The following IGSF22 variants were observed in gnomAD, a reference collection of about 807,000 sequenced individuals.
IGSF22 encodes the protein immunoglobulin superfamily member 22, also known as immunoglobulin superfamily, member 22.
In IGSF22, 119 loss-of-function variants were observed where a neutral mutation model predicts 127.0. The observed-to-expected ratio is 0.94, with a 90% CI of 0.81 to 1.09. The LOEUF (loss-of-function observed/expected upper bound fraction) is 1.09, where lower values mean the gene tolerates loss of function less well. Among genes scored for constraint, IGSF22 ranks in the 50% least tolerant of loss-of-function variants. The pLI is 0.00. For missense variants in IGSF22, 1,518 were observed against 1,716.6 expected, an observed-to-expected ratio of 0.88 and a Z score of 2.04; for synonymous variants, 568 against 664.7, an observed-to-expected ratio of 0.85 and a Z score of 2.24.
chr11:18,707,923 C>T lies in IGSF22; in HGVS notation c.3161G>A (p.Ser1054Asn), dbSNP rs1360985291. 6.2e-7 allele frequency: 1 copy of T among 1,614,016 alleles called. No homozygotes were observed. Among genetic ancestry groups the T allele is most frequent in the Admixed American group, 1.7e-5 (1 of 60,020 alleles). ...PTKGRETITK[S>N]KNHSQFLINS... ...AATGAGGAACTGGGAGTGGTTTTTG[C>T]TCTTGGTAATTGTCTCTCGGCCCTT... The change falls in exon 20 of 23, where the codon AGC becomes AAC. Residue 1054 changes from serine to asparagine, a missense_variant. Coordinates refer to ENST00000513874, the MANE Select transcript of IGSF22 (RefSeq NM_173588.4).
rs1170931120 is a variant in IGSF22 at position 18,707,908 on chromosome 11, T to C, written c.3176A>G (p.Gln1059Arg). Reference sequence around the variant, plus strand: ...GCGCTTGGTGCTATTAATGAGGAACTGGGAGTGGTTTTTGCTCTTGGTAAT... The same window carrying C: ...GCGCTTGGTGCTATTAATGAGGAACCGGGAGTGGTTTTTGCTCTTGGTAAT... The part of the protein sequence containing the change: ...ETITKSKNHS[Q>R]FLINSTKRSD... The change falls in exon 20 of 23, where the codon CAG becomes CGG. Residue 1059 changes from glutamine (Q) to arginine (R), a missense_variant. Gln to Arg is a conservative substitution (Grantham distance 43). Around this residue, in one of 3 missense-constraint regions of IGSF22, gnomAD observed 1,456 missense variants for 1,644.9 expected, o/e 0.89. Transcript: ENST00000513874. 1 of 1,614,204 alleles carries C rather than the reference T, an allele frequency of 6.2e-7. No homozygotes were observed. Among genetic ancestry groups the C allele is most frequent in the Admixed American group, 1.7e-5 (1 of 60,018 alleles).
At chr11:18,711,717 C>A (rs77561721) in intron 15 of IGSF22, among the ~76,000 whole-genome samples, 8,559 of 152,226 alleles carry the variant, frequency 0.056, 291 homozygotes, top group South Asian at 0.1. Context: ...AATTAAAATG[C>A]CAATGTTGTC....
rs1363031349 is a variant in IGSF22, at chr11:18,716,240, C to CT, written c.1246+487dup. 6.6e-6 allele frequency among the ~76,000 whole-genome samples: 1 copy of CT among 152,126 alleles called. No individual in the cohort carries two copies. The highest frequency in any genetic ancestry group is 1.5e-5 in the Non-Finnish European group (1 of 68,026). On this transcript the variant is annotated intron_variant, in intron 10 of 22. Transcript: ENST00000513874. This position sits in a 1 kb window ranked among gnomAD's most constrained non-coding sequence, Gnocchi z 4.5. Reference sequence around the variant, plus strand: ...CATTTCTGATGTTGCCAGGTGATGCCTTTTCTTTGGTCTTCTACAGCCCTT... The same window carrying CT: ...CATTTCTGATGTTGCCAGGTGATGCCTTTTTCTTTGGTCTTCTACAGCCCTT...
In IGSF22 at chr11:18,710,814, C is replaced by G. The variant is rs1590440193; in HGVS notation, c.2413G>C (p.Ala805Pro). The change falls in exon 16 of 23, where the codon GCC (alanine) becomes CCC (proline). Residue 805 changes from alanine (A) to proline (P), a missense_variant. Physicochemically the swap from Ala to Pro is conservative, Grantham distance 27. Coordinates refer to ENST00000513874, the MANE Select transcript of IGSF22 (RefSeq NM_173588.4). The part of the protein sequence containing the change: ...AGNPIEPPGF[A>P]SQPQVTDVTK... ...ACATCAGTCACTTGAGGCTGGGAGG[C>G]AAAACCAGGAGGCTCTGTGGGGGAA... The G allele has an allele frequency of 1.9e-6, 3 of 1,612,820 alleles. No homozygotes were observed. In the South Asian group the frequency reaches 3.3e-5, roughly 18 times the overall value.
At chr11:18,713,825 C>A in intron 14 of IGSF22, 27 bp downstream of exon 14, 1 of 1,568,270 alleles carries the variant, frequency 6.4e-7, no homozygotes, top group Non-Finnish European at 8.7e-7. Flanking sequence ...CTCAGCTCAG[C>A]CCAGCCCGGA....
At chr11:18,721,269 G>A (rs1848566130) in intron 4 of IGSF22, among the ~76,000 whole-genome samples, 1 of 152,160 alleles carries the variant, frequency 6.6e-6, no homozygotes, top group Admixed American at 6.5e-5. Flanking sequence ...CTTCCATTGC[G>A]TCCCGCCCCG....
chr11:18,708,063 T>C lies in IGSF22; in HGVS notation c.3088-67A>G, dbSNP rs1848280053. On this transcript the variant is annotated intron_variant, in intron 19 of 22. Coordinates refer to ENST00000513874, the MANE Select transcript of IGSF22 (RefSeq NM_173588.4). The stretch of plus-strand genomic sequence containing the variant: ...ATATTTGGGGGCAGGCCTTCCTCCA[T>C]TGTCGAGGAGTTTCCTGCCAGGCTG... 23 of 1,585,682 alleles carry C rather than the reference T, an allele frequency of 1.5e-5. No individual in the cohort carries two copies. In the South Asian group the frequency reaches 1.9e-4, roughly 13 times the overall value.
chr11:18,705,943 T>C lies in IGSF22; in HGVS notation c.3784A>G (p.Asn1262Asp). The C allele has an allele frequency of 1.3e-6, 2 of 1,551,748 alleles. No homozygotes were observed. Among genetic ancestry groups the C allele is most frequent in the Non-Finnish European group, 1.7e-6 (2 of 1,146,998 alleles). The change falls in exon 22 of 23, where the codon AAC (asparagine) becomes GAC (aspartate). Residue 1262 changes from asparagine (N) to aspartate (D), a missense_variant. Asn to Asp is a conservative substitution (Grantham distance 23, BLOSUM62 1). Coordinates refer to ENST00000513874, the MANE Select transcript of IGSF22 (RefSeq NM_173588.4). ...NITANSKFWYNSTSGVCTLVI... is the reference protein window; with the variant it reads ...NITANSKFWYDSTSGVCTLVI... ...AGGGTGCACACGCCGCTGGTGGAGT[T>C]GTACCAGAACTTGGAGTTGGCCGTG...
rs1028251770 is a variant in IGSF22, at chr11:18,712,236, C to G, written c.2244G>C (p.Trp748Cys). Residue 748 changes from tryptophan (W) to cysteine (C), a missense_variant, in exon 15 of 23, where the codon TGG becomes TGC. By Grantham distance (215) the Trp-to-Cys change is radical. Transcript: ENST00000513874. ...VERRAVGKKS[W>C]IKIGEVDGKV... ...TGCCGTCCACCTCGCCTATCTTAATCCAGGACTTCTTGCCAACTGCCCTCC... is the reference window on the plus strand; with the variant it reads ...TGCCGTCCACCTCGCCTATCTTAATGCAGGACTTCTTGCCAACTGCCCTCC... The G allele has an allele frequency of 6.4e-7, 1 of 1,551,778 alleles. No individual in the cohort carries two copies. The highest frequency in any genetic ancestry group is 2.0e-5 in the Admixed American group (1 of 51,014).
At chr11:18,721,467 GGCGGCCCGCCCT>G (rs1848570421) in intron 4 of IGSF22, 56 bp downstream of exon 4, 2 of 1,606,008 alleles carry the variant, frequency 1.2e-6, no homozygotes, top group Non-Finnish European at 1.7e-6. Flanking sequence ...TGAGAAGACT[GGCGGCCCGCCCT>G]GGGGGTCCCT....
intron 7 of IGSF22, among the ~76,000 whole-genome samples, 194 bp downstream of exon 7, chr11:18,719,522 T>C (rs564718459): frequency 6.6e-6 from 1 of 152,250 alleles, no homozygotes; most frequent in South Asian, 2.1e-4. Context: ...GCAAGTATGT[T>C]TGGGAGTGGT....
At chr11:18,711,180 T>A (rs1848350065) in intron 15 of IGSF22, among the ~76,000 whole-genome samples, 1 of 152,074 alleles carries the variant, frequency 6.6e-6, no homozygotes, top group African/African-American at 2.4e-5. Context: ...AGTGTCTGGG[T>A]CCTGCCTACC....
intron 21 of IGSF22, among the ~76,000 whole-genome samples, chr11:18,706,373 C>G (rs1269347865): frequency 1.3e-5 from 2 of 151,612 alleles, no homozygotes; most frequent in East Asian, 3.9e-4. Flanking sequence ...TTCTGCCACC[C>G]AAACCACGCT....
rs868059119 is a variant in IGSF22 at position 18,706,979 on chromosome 11, C to T, written c.3515G>A (p.Arg1172Gln). The T allele has an allele frequency of 1.4e-5, 21 of 1,545,472 alleles. No homozygotes were observed. In the African/African-American group the frequency reaches 1.4e-4, roughly 10 times the overall value. Reference sequence around the variant, plus strand: ...TGGCTCACTGTCACCGATTTCATTCCGAGCCACCACTCTGAAGTAGTACTT... The same window carrying T: ...TGGCTCACTGTCACCGATTTCATTCTGAGCCACCACTCTGAAGTAGTACTT... ...GRKYYFRVVA[R>Q]NEIGDSEPLD... The change falls in exon 21 of 23, where the codon CGG becomes CAG. Residue 1172 changes from arginine (R) to glutamine (Q), a missense_variant. By Grantham distance (43) the Arg-to-Gln change is conservative (BLOSUM62 1). Transcript: ENST00000513874.
At chr11:18,720,312 G>A (rs1848547955) in intron 4 of IGSF22, 27 bp from the exon 5 acceptor site, 1 of 1,596,972 alleles carries the variant, frequency 6.3e-7, no homozygotes, top group Non-Finnish European at 8.6e-7. Context: ...CCATTAGTGG[G>A]GGAAGGAAAA....
At chr11:18,718,970 T>C (rs1848513668) in intron 7 of IGSF22, among the ~76,000 whole-genome samples, 1 of 152,190 alleles carries the variant, frequency 6.6e-6, no homozygotes, top group Non-Finnish European at 1.5e-5. Flanking sequence ...ATTATATAGA[T>C]TCCCTAATTC....
At chr11:18,723,090 C>T (rs1848600405) in intron 2 of IGSF22, among the ~76,000 whole-genome samples, 1 of 152,238 alleles carries the variant, frequency 6.6e-6, no homozygotes, top group African/African-American at 2.4e-5. Context: ...ATGGGATATA[C>T]AGTCTCTAGT....
At chr11:18,706,504 T>A in intron 21 of IGSF22, 1 of 397,568 alleles carries the variant, frequency 2.5e-6, no homozygotes, top group Middle Eastern at 6.9e-4. Flanking sequence ...CAGTCTCCCC[T>A]CTTATCCCTT....
rs368557709 is a variant in IGSF22 at position 18,714,291 on chromosome 11, G to C, written c.1784C>G (p.Ser595Cys). Residue 595 changes from serine (S) to cysteine (C), a missense_variant, in exon 13 of 23, where the codon TCT becomes TGT. By Grantham distance (112) the Ser-to-Cys change is moderately radical (BLOSUM62 -1). Coordinates refer to ENST00000513874, the MANE Select transcript of IGSF22 (RefSeq NM_173588.4). The part of the protein sequence containing the change: ...FRAKGTESEA[S>C]VFIADPPTID... ...CAGATCCATACCTGCGATGAATACAGAGGCTTCACTTTCCGTGCCCTTGGC... is the reference window on the plus strand; with the variant it reads ...CAGATCCATACCTGCGATGAATACACAGGCTTCACTTTCCGTGCCCTTGGC... The C allele has an allele frequency of 6.2e-5, 100 of 1,613,664 alleles. No homozygotes were observed. Among genetic ancestry groups the C allele is most frequent in the Non-Finnish European group, 7.8e-5 (92 of 1,179,858 alleles).
Sources: gnomAD v4.1 joint callset for allele counts (sites outside exome capture counted in the v4.1 genomes callset) on GRCh38, gnomAD v4.1.1 for gene constraint, gnomAD v4.1.1 regional missense constraint, Gnocchi (gnomAD v3.1) non-coding constraint, MANE v1.5 for transcripts, NCBI Gene and HGNC (gene_info 2026-07-23, HGNC 2026-07-21) for gene names.